The following ZC3H8 variants were observed in gnomAD, a reference collection of about 807,000 sequenced individuals.
ZC3H8 encodes the protein zinc finger CCCH domain-containing protein 8.
A neutral mutation model predicts 42.5 loss-of-function variants in ZC3H8; 27 were observed. That is an observed-to-expected ratio of 0.64 (90% CI 0.47 to 0.88). The LOEUF (loss-of-function observed/expected upper bound fraction) is 0.88. Ranked by LOEUF, ZC3H8 falls within the 40% of genes least tolerant of loss-of-function variation. The pLI, the probability that ZC3H8 is intolerant of heterozygous loss-of-function variation, is 0.00. For missense variants in ZC3H8, 277 were observed against 336.1 expected (o/e 0.82, Z 1.37); for synonymous variants, 101 against 110.1 (o/e 0.92, Z 0.52).
chr2:112,252,104 T>C (rs1345491589), intron 1 of ZC3H8, among the ~76,000 whole-genome samples: 1 of 152,238 alleles, frequency 6.6e-6, no homozygotes, highest in Non-Finnish European at 1.5e-5. Context: ...GAATATCATC[T>C]GTATGTAGTT....
chr2:112,222,183 T>C (rs754094919), intron 8 of ZC3H8, among the ~76,000 whole-genome samples: 1 of 152,196 alleles, frequency 6.6e-6, no homozygotes, highest in Non-Finnish European at 1.5e-5. Context: ...TTGTTGAGTG[T>C]TCTTGTCCAT....
intron 8 of ZC3H8, among the ~76,000 whole-genome samples, chr2:112,220,387 G>A (rs1307874624): frequency 1.3e-5 from 2 of 152,182 alleles, no homozygotes; most frequent in Admixed American, 1.3e-4. Context: ...TGAAAAGGAT[G>A]TAATTTTCCT....
intron 6 of ZC3H8, among the ~76,000 whole-genome samples, chr2:112,232,978 T>C (rs1032735440): frequency 1.3e-5 from 2 of 152,336 alleles, no homozygotes; most frequent in Admixed American, 6.5e-5. Flanking sequence ...AGTGTCACAG[T>C]AGAAATTGTG....
At chr2:112,218,365 G>A (rs1684423019) in intron 8 of ZC3H8, among the ~76,000 whole-genome samples, 1 of 152,106 alleles carries the variant, frequency 6.6e-6, no homozygotes, top group Non-Finnish European at 1.5e-5. Context: ...TAGTGGAAAT[G>A]CCTCTACTGT....
intron 6 of ZC3H8, 34 bp downstream of exon 6, chr2:112,233,222 ATATT>A (rs1358905921): frequency 1.6e-6 from 2 of 1,220,750 alleles, no homozygotes; most frequent in Non-Finnish European, 2.2e-6. Flanking sequence ...GTTCATGTAA[ATATT>A]TATAAAGTCA....
At chr2:112,251,844 C>T (rs1328435972) in intron 1 of ZC3H8, among the ~76,000 whole-genome samples, 1 of 152,174 alleles carries the variant, frequency 6.6e-6, no homozygotes, top group Non-Finnish European at 1.5e-5. Flanking sequence ...CAATACTCAG[C>T]ACCCATATTA....
intron 2 of ZC3H8, among the ~76,000 whole-genome samples, chr2:112,243,669 A>G (rs956049441): frequency 5.9e-5 from 9 of 152,322 alleles, no homozygotes; most frequent in African/African-American, 1.9e-4. Context: ...TGTGTTGTGG[A>G]AACTTGTTTT....
chr2:112,237,091 C>T (rs938288367), intron 3 of ZC3H8, among the ~76,000 whole-genome samples: 1 of 152,100 alleles, frequency 6.6e-6, no homozygotes, highest in Non-Finnish European at 1.5e-5. Context: ...GTATGATTTA[C>T]AATAATTGAG....
chr2:112,237,158 A>G (rs1685369634), intron 3 of ZC3H8, among the ~76,000 whole-genome samples: 1 of 152,230 alleles, frequency 6.6e-6, no homozygotes, highest in Non-Finnish European at 1.5e-5. Flanking sequence ...CAGTTTTCCT[A>G]GAAGCTCTGG....
At chr2:112,248,847 T>C (rs2312458) in intron 2 of ZC3H8, among the ~76,000 whole-genome samples, 3,823 of 152,172 alleles carry the variant, frequency 0.025, 161 homozygotes, top group African/African-American at 0.087. Context: ...GTGTAATTAA[T>C]TAAGATTAGG....
In ZC3H8 at chr2:112,229,067, A is replaced by AAAT. The variant is rs1573897616; in HGVS notation, c.*15+1835_*15+1836insATT. The stretch of plus-strand genomic sequence containing the variant: ...AGTAACAAGTGTTGCTACGGTAATT[A>AAAT]AGATAGTATATACTGGAGAAAAAGA... On this transcript the variant is annotated intron_variant, in intron 8 of 8. Coordinates refer to ENST00000409573, the MANE Select transcript of ZC3H8 (RefSeq NM_032494.3). Among the ~76,000 whole-genome samples, 3 of 152,202 alleles carry AAAT rather than the reference A, an allele frequency of 2.0e-5. No homozygotes were observed. In the East Asian group the frequency reaches 5.8e-4, roughly 29 times the overall value.
intron 8 of ZC3H8, among the ~76,000 whole-genome samples, chr2:112,225,660 T>A (rs1009877166): frequency 3.3e-5 from 5 of 151,842 alleles, no homozygotes; most frequent in Non-Finnish European, 7.4e-5. Flanking sequence ...CTACTAAAAA[T>A]ACAAAAATTA....
intron 8 of ZC3H8, among the ~76,000 whole-genome samples, chr2:112,227,034 G>A (rs1684870174): frequency 6.6e-6 from 1 of 152,102 alleles, no homozygotes; most frequent in Non-Finnish European, 1.5e-5. Context: ...ACTAGAAATA[G>A]GAGAGAACCT....
At chr2:112,247,044 C>G (rs1411013778) in intron 2 of ZC3H8, among the ~76,000 whole-genome samples, 1 of 152,130 alleles carries the variant, frequency 6.6e-6, no homozygotes, top group Non-Finnish European at 1.5e-5. Context: ...CATTTTTTAG[C>G]AACAAAGAAT....
chr2:112,235,907 T>G (rs994496309), intron 4 of ZC3H8, among the ~76,000 whole-genome samples: 2 of 150,070 alleles, frequency 1.3e-5, no homozygotes, highest in African/African-American at 4.9e-5. Flanking sequence ...GGGCTTCCCA[T>G]TTTTCCCGAG....
chr2:112,245,636 A>C (rs1685735502), intron 2 of ZC3H8, among the ~76,000 whole-genome samples: 1 of 152,226 alleles, frequency 6.6e-6, no homozygotes, highest in Admixed American at 6.5e-5. Context: ...CCTGGGTGAC[A>C]GAGCAAGACT....
chr2:112,246,660 G>A (rs1685775537), intron 2 of ZC3H8, among the ~76,000 whole-genome samples: 1 of 152,194 alleles, frequency 6.6e-6, no homozygotes, highest in East Asian at 1.9e-4. Context: ...CAGATGAGGA[G>A]CTGCTTCTTA....
intron 2 of ZC3H8, among the ~76,000 whole-genome samples, chr2:112,243,354 T>C (rs1685647719): frequency 6.6e-6 from 1 of 152,210 alleles, no homozygotes; most frequent in South Asian, 2.1e-4. Context: ...AAGAGAAGAA[T>C]CGAACAAAGT....
In ZC3H8 at chr2:112,212,795, T is replaced by A. The variant is rs1276131615; in HGVS notation, c.*3689A>T. 1 of 152,188 alleles carries A rather than the reference T, an allele frequency of 6.6e-6. No homozygotes were observed. Among genetic ancestry groups the A allele is most frequent in the Non-Finnish European group, 1.5e-5 (1 of 67,980 alleles). 9.4% of individuals were successfully genotyped at this position (152,188 alleles called of 1,614,324 possible). Reference sequence around the variant, plus strand: ...AGATTAAAAATAGATTTAAAATGCATAGACACAATCCTAGCATTCAGCAGG... The same window carrying A: ...AGATTAAAAATAGATTTAAAATGCAAAGACACAATCCTAGCATTCAGCAGG... On this transcript the variant is annotated 3_prime_UTR_variant, in exon 9 of 9. Coordinates refer to ENST00000409573, the MANE Select transcript of ZC3H8 (RefSeq NM_032494.3).
Sources: gnomAD v4.1 joint callset for allele counts (sites outside exome capture counted in the v4.1 genomes callset) on GRCh38, gnomAD v4.1.1 for gene constraint, MANE v1.5 for transcripts, NCBI Gene and HGNC (gene_info 2026-07-23, HGNC 2026-07-21) for gene names.